ZMIZ1: variants seen among roughly 807,000 people sequenced by gnomAD.
The protein encoded by ZMIZ1 is zinc finger MIZ domain-containing protein 1.
A neutral mutation model predicts 113.9 loss-of-function variants in ZMIZ1; 17 were observed. The ratio of observed to expected loss-of-function variants is 0.15; its 90% CI spans 0.10 to 0.22. ZMIZ1 has a LOEUF of 0.22. Among genes scored for constraint, ZMIZ1 ranks in the 10% least tolerant of loss-of-function variants. The pLI, the probability that ZMIZ1 is intolerant of heterozygous loss-of-function variation, is 1.00. For missense variants in ZMIZ1, 1,059 were observed against 1,477.8 expected, an observed-to-expected ratio of 0.72 and a Z score of 4.65; for synonymous variants, 607 against 603.1, an observed-to-expected ratio of 1.01 and a Z score of -0.09.
chr10:79,228,926 G>A (rs1849292040), intron 7 of ZMIZ1, among the ~76,000 whole-genome samples: 1 of 152,218 alleles, frequency 6.6e-6, no homozygotes, highest in Admixed American at 6.5e-5. Flanking sequence ...GAAATGATAG[G>A]TACCAAGTAT....
chr10:79,182,168 G>A (rs1847149371), intron 4 of ZMIZ1, among the ~76,000 whole-genome samples: 1 of 152,226 alleles, frequency 6.6e-6, no homozygotes, highest in Non-Finnish European at 1.5e-5. Context: ...CTCCCGAGGG[G>A]CAAGGGCTAT....
chr10:79,242,882 G>T (rs1383031692), intron 7 of ZMIZ1, among the ~76,000 whole-genome samples: 2 of 152,094 alleles, frequency 1.3e-5, no homozygotes, highest in East Asian at 1.9e-4. Context: ...ACCCCTGCGT[G>T]CAAGTTTGAA....
At chr10:79,090,172 T>C (rs1290715148) in intron 1 of ZMIZ1, among the ~76,000 whole-genome samples, 1 of 152,152 alleles carries the variant, frequency 6.6e-6, no homozygotes, top group Non-Finnish European at 1.5e-5. Flanking sequence ...AGCTGCCCCA[T>C]TTTACAGGTG....
intron 7 of ZMIZ1, among the ~76,000 whole-genome samples, chr10:79,250,464 C>T (rs1327103684): frequency 6.6e-6 from 1 of 152,238 alleles, no homozygotes; most frequent in Non-Finnish European, 1.5e-5. Context: ...CCTGGCTGTC[C>T]CTCCGGCAGC....
At chr10:79,121,366 C>T (rs1054354771) in intron 2 of ZMIZ1, among the ~76,000 whole-genome samples, 1 of 152,238 alleles carries the variant, frequency 6.6e-6, no homozygotes, top group Non-Finnish European at 1.5e-5. Context: ...CAGAGAGCCC[C>T]TCCAGGTTAG....
At chr10:79,146,250 T>G (rs1454900832) in intron 3 of ZMIZ1, among the ~76,000 whole-genome samples, 1 of 151,976 alleles carries the variant, frequency 6.6e-6, no homozygotes, top group Non-Finnish European at 1.5e-5. Context: ...CGTCCTTCTG[T>G]CTTAGTGGGC....
chr10:79,117,313 C>T (rs1481963138), intron 1 of ZMIZ1, among the ~76,000 whole-genome samples: 1 of 152,270 alleles, frequency 6.6e-6, no homozygotes, highest in East Asian at 1.9e-4. Flanking sequence ...GGACCCCTGC[C>T]GTATTTCATC....
At chr10:79,311,250 A>G (rs1589623672) in intron 24 of ZMIZ1, 66 bp downstream of exon 24, 1 of 1,103,164 alleles carries the variant, frequency 9.1e-7, no homozygotes, top group East Asian at 6.8e-5. Context: ...GCCCGAGAGA[A>G]GGGGTGGGTG....
chr10:79,089,422 T>A (rs1842924285), intron 1 of ZMIZ1, among the ~76,000 whole-genome samples: 1 of 152,266 alleles, frequency 6.6e-6, no homozygotes, highest in South Asian at 2.1e-4. Flanking sequence ...CAGGGTGTTT[T>A]GTGCCTTCTC....
At chr10:79,233,123 G>T (rs886702698) in intron 7 of ZMIZ1, among the ~76,000 whole-genome samples, 1 of 152,198 alleles carries the variant, frequency 6.6e-6, no homozygotes, top group African/African-American at 2.4e-5. Flanking sequence ...GGGCCCAAGG[G>T]GGGTGTGGGC....
intron 4 of ZMIZ1, among the ~76,000 whole-genome samples, chr10:79,178,654 C>A (rs182212928): frequency 6.6e-6 from 1 of 152,352 alleles, no homozygotes; most frequent in Admixed American, 6.5e-5. Context: ...AAGCCCTGCT[C>A]TGAGTTCTCC....
chr10:79,293,918 G>A, intron 12 of ZMIZ1: 1 of 571,852 alleles, frequency 1.7e-6, no homozygotes, highest in Non-Finnish European at 3.1e-6. Flanking sequence ...GCCCTGGGCT[G>A]GCATGTGCCG....
At chr10:79,144,335 T>C (rs1845398452) in intron 3 of ZMIZ1, among the ~76,000 whole-genome samples, 1 of 152,216 alleles carries the variant, frequency 6.6e-6, no homozygotes, top group Non-Finnish European at 1.5e-5. Flanking sequence ...CATGCTCTTA[T>C]AATCCTCTAC....
chr10:79,252,082 T>C (rs754524870), intron 7 of ZMIZ1, among the ~76,000 whole-genome samples: 25 of 152,110 alleles, frequency 1.6e-4, no homozygotes, highest in Non-Finnish European at 3.2e-4. Context: ...GCCCTTGAAA[T>C]GGAGGAAGGT....
intron 6 of ZMIZ1, among the ~76,000 whole-genome samples, chr10:79,213,346 C>T (rs1267445396): frequency 6.6e-6 from 1 of 152,164 alleles, no homozygotes; most frequent in Non-Finnish European, 1.5e-5. Flanking sequence ...TCTAGGGTTA[C>T]AGGATTTGAT....
At chr10:79,275,194 T>C (rs1479563568) in intron 7 of ZMIZ1, among the ~76,000 whole-genome samples, 1 of 152,260 alleles carries the variant, frequency 6.6e-6, no homozygotes, top group Non-Finnish European at 1.5e-5. Flanking sequence ...TTTCCAGCTG[T>C]AGCACATGTG....
At chr10:79,179,131 A>G (rs1293211190) in intron 4 of ZMIZ1, among the ~76,000 whole-genome samples, 2 of 152,258 alleles carry the variant, frequency 1.3e-5, no homozygotes, top group East Asian at 1.9e-4. Context: ...ATGCTAGCAC[A>G]TAAAACACTT....
intron 3 of ZMIZ1, among the ~76,000 whole-genome samples, chr10:79,158,923 G>C (rs769689084): frequency 1.3e-5 from 2 of 152,196 alleles, no homozygotes; most frequent in Non-Finnish European, 2.9e-5. Context: ...CCCTCCCCCG[G>C]GAGCTTCAGA....
intron 12 of ZMIZ1, chr10:79,295,706 G>C (rs556492190): frequency 2.6e-5 from 4 of 152,254 alleles, no homozygotes; most frequent in Non-Finnish European, 5.9e-5. Flanking sequence ...CAAGTATTAA[G>C]GGTATTTTCC....
Sources: gnomAD v4.1 joint callset for allele counts (sites outside exome capture counted in the v4.1 genomes callset) on GRCh38, gnomAD v4.1.1 for gene constraint, MANE v1.5 for transcripts, NCBI Gene and HGNC (gene_info 2026-07-23, HGNC 2026-07-21) for gene names.